Variants in USP53 observed in about 807,000 individuals in gnomAD.
The protein encoded by USP53 is ubiquitin specific peptidase 53.
A neutral mutation model predicts 94.9 loss-of-function variants in USP53; 71 were observed. That is an observed-to-expected ratio of 0.75 (90% confidence interval 0.62 to 0.91). USP53 has a LOEUF of 0.91. USP53 is among the 40% of genes least tolerant of loss of function. The probability of loss-of-function intolerance (pLI) is 0.00; values close to 1 mark genes in which losing one functional copy is unlikely to be tolerated. For synonymous variants in USP53, 375 were observed against 422.7 expected (o/e 0.89, Z 1.39); for missense variants, 1,173 against 1,281.0 (o/e 0.92, Z 1.29).
At chr4:119,228,477 C>T (rs1002129169) in intron 3 of USP53, among the ~76,000 whole-genome samples, 9 of 152,048 alleles carry the variant, frequency 5.9e-5, no homozygotes, top group African/African-American at 9.7e-5. Flanking sequence ...AGGTCAACTG[C>T]GCCATATAAC....
chr4:119,250,333 T>C (rs576268347), intron 7 of USP53, among the ~76,000 whole-genome samples: 1 of 152,320 alleles, frequency 6.6e-6, no homozygotes, highest in South Asian at 2.1e-4. Context: ...ATCCATTCTC[T>C]GTAGAATTTA....
rs1441994681 is a variant in USP53 at position 119,269,735 on chromosome 4, T to G, written c.1333T>G (p.Ser445Ala). The change falls in exon 15 of 19, where the codon TCC becomes GCC. Residue 445 changes from serine to alanine, a missense_variant. Transcript: ENST00000692078. ...IDQREKIKDISRECALKAIEQ... is the reference protein window; with the variant it reads ...IDQREKIKDIARECALKAIEQ... ...TCAAAGGGAAAAGATAAAAGACATT[T>G]CCAGAGAATGTGCTCTGAAAGCTAT... 1 of 1,502,746 alleles carries G rather than the reference T, an allele frequency of 6.7e-7. No homozygotes were observed. Among genetic ancestry groups the G allele is most frequent in the Admixed American group, 2.3e-5 (1 of 43,334 alleles). 93.1% of individuals were successfully genotyped at this position (1,502,746 alleles called of 1,614,324 possible). A position where few individuals can be genotyped will look rare whatever the true frequency, so the allele number is the denominator to read the frequency against.
At position 119,239,745 on chromosome 4, in the gene USP53, C is replaced by A; in HGVS notation, c.-15C>A. On this transcript the variant is annotated 5_prime_UTR_variant, in exon 5 of 19. Transcript: ENST00000692078. ...GTACAGTTTTTAGCCTAAATGCAAA[C>A]AAAGTTGCTTGAAAATGGCATGGGT... is the stretch of plus-strand genomic sequence containing the variant. 6.3e-7 allele frequency: 1 copy of A among 1,598,290 alleles called. No individual in the cohort carries two copies. Among genetic ancestry groups the A allele is most frequent in the South Asian group, 1.1e-5 (1 of 88,036 alleles).
chr4:119,247,781 T>G (rs1332482657), intron 6 of USP53, among the ~76,000 whole-genome samples: 1 of 152,232 alleles, frequency 6.6e-6, no homozygotes, highest in Non-Finnish European at 1.5e-5. Flanking sequence ...AAATAAGAGA[T>G]AAAATCTGAA....
intron 4 of USP53, among the ~76,000 whole-genome samples, chr4:119,237,560 A>C (rs559176882): frequency 2.6e-4 from 40 of 152,282 alleles, no homozygotes; most frequent in African/African-American, 9.6e-4. Flanking sequence ...TAATTAAAAA[A>C]AAAAAAGACA....
intron 3 of USP53, among the ~76,000 whole-genome samples, chr4:119,222,702 C>T (rs1218819680): frequency 2.6e-5 from 4 of 152,020 alleles, no homozygotes; most frequent in Non-Finnish European, 4.4e-5. Context: ...CATCCATTGG[C>T]GGACTTAAGA....
At chr4:119,225,482 C>T (rs917978086) in intron 3 of USP53, among the ~76,000 whole-genome samples, 1 of 151,970 alleles carries the variant, frequency 6.6e-6, no homozygotes, top group African/African-American at 2.4e-5. Context: ...CGTGGTGGCT[C>T]ACGCCTGTAA....
At chr4:119,260,959 T>A (rs1412587109) in intron 11 of USP53, among the ~76,000 whole-genome samples, 3 of 71,618 alleles carry the variant, frequency 4.2e-5, no homozygotes, top group Non-Finnish European at 1.0e-4. Context: ...TCTTTTTTTT[T>A]TTTTTTTTTT....
chr4:119,218,366 A>G (rs1315039753), intron 3 of USP53: 2 of 152,232 alleles, frequency 1.3e-5, no homozygotes, highest in Non-Finnish European at 1.5e-5. Flanking sequence ...TTTAATGACC[A>G]TGTCCTATAT....
chr4:119,271,943 A>G lies in USP53; in HGVS notation c.2083A>G (p.Ser695Gly), dbSNP rs769296836. 2.5e-6 allele frequency: 4 copies of G among 1,614,156 alleles called. No homozygotes were observed. Among genetic ancestry groups the G allele is most frequent in the Non-Finnish European group, 2.5e-6 (3 of 1,180,000 alleles). The change falls in exon 16 of 19, where the codon AGT becomes GGT. Residue 695 changes from serine (S) to glycine (G), a missense_variant. Physicochemically the swap from Ser to Gly is moderately conservative, Grantham distance 56. Coordinates refer to ENST00000692078, the MANE Select transcript of USP53 (RefSeq NM_001371395.1). ...TGGATATGAAAGCAGTGATCACATC[A>G]GTAATGGTTCTACTAATTTGGACTC... ...ESGYESSDHISNGSTNLDSPV... is the reference protein window; with the variant it reads ...ESGYESSDHIGNGSTNLDSPV...
rs1366641170 is a variant in USP53, at chr4:119,274,745, C to G, written c.2251+1037C>G. Among the ~76,000 whole-genome samples, 838 of 142,942 alleles carry G rather than the reference C, an allele frequency of 5.9e-3. 8 individuals are homozygous for G. The highest frequency in any genetic ancestry group is 0.02 in the African/African-American group (799 of 39,700). The allele number at this position is 142,942 out of a possible 152,430, so 93.8% of individuals were successfully genotyped here. A position where few individuals can be genotyped will look rare whatever the true frequency, so the allele number is the denominator to read the frequency against. On this transcript the variant is annotated intron_variant, in intron 17 of 18. Transcript: ENST00000692078. ...AAAAGTGTTCCTATTTCTCCACATC[C>G]TCTCCAGCACCTGTTGTTTCCTGAC... is the stretch of plus-strand genomic sequence containing the variant.
intron 9 of USP53, among the ~76,000 whole-genome samples, chr4:119,256,800 A>G (rs572176537): frequency 1.7e-3 from 263 of 152,340 alleles, no homozygotes; most frequent in Non-Finnish European, 2.7e-3. Flanking sequence ...GGGGAGCATG[A>G]AATGATAAAC....
At position 119,291,239 on chromosome 4, in the gene USP53, A is replaced by T; in HGVS notation, c.2326A>T (p.Ile776Leu). Residue 776 changes from isoleucine (I) to leucine (L), a missense_variant, in exon 18 of 19, where the codon ATA becomes TTA. Transcript: ENST00000692078. ...HEFHPESHLQ[I>L]KNHLIKRSHV... Reference sequence around the variant, plus strand: ...ATTCCACCCAGAATCACATTTACAAATAAAAAATCATTTGATAAAAAGGTA... The same window carrying T: ...ATTCCACCCAGAATCACATTTACAATTAAAAAATCATTTGATAAAAAGGTA... The T allele has an allele frequency of 6.3e-7, 1 of 1,593,734 alleles. No homozygotes were observed. Among genetic ancestry groups the T allele is most frequent in the Non-Finnish European group, 8.5e-7 (1 of 1,171,812 alleles).
At chr4:119,237,225 G>A (rs540122401) in intron 4 of USP53, among the ~76,000 whole-genome samples, 1 of 152,152 alleles carries the variant, frequency 6.6e-6, no homozygotes, top group Non-Finnish European at 1.5e-5. Flanking sequence ...CTGTCATCCA[G>A]GCTTTGTTGT....
At chr4:119,226,472 T>C (rs779474212) in intron 3 of USP53, among the ~76,000 whole-genome samples, 5 of 152,130 alleles carry the variant, frequency 3.3e-5, no homozygotes, top group Admixed American at 6.5e-5. Context: ...ATGTTAGTAA[T>C]GAAAAATTGG....
At chr4:119,279,825 C>T (rs1753259772) in intron 17 of USP53, among the ~76,000 whole-genome samples, 1 of 152,208 alleles carries the variant, frequency 6.6e-6, no homozygotes, top group South Asian at 2.1e-4. Context: ...TTAAGCCGGT[C>T]CGAAAAGCGC....
At chr4:119,274,667 G>A (rs1204159824) in intron 17 of USP53, among the ~76,000 whole-genome samples, 9 of 144,768 alleles carry the variant, frequency 6.2e-5, no homozygotes, top group Admixed American at 4.2e-4. Flanking sequence ...CTGAGGAATC[G>A]CCACACTGAC....
At chr4:119,251,034 T>G (rs942810267) in intron 7 of USP53, among the ~76,000 whole-genome samples, 1 of 152,070 alleles carries the variant, frequency 6.6e-6, no homozygotes, top group African/African-American at 2.4e-5. Context: ...TAGGTATTTC[T>G]CCTAATGTTA....
chr4:119,242,167 G>A (rs1033632671), intron 5 of USP53, among the ~76,000 whole-genome samples: 4 of 152,080 alleles, frequency 2.6e-5, no homozygotes, highest in Non-Finnish European at 4.4e-5. Flanking sequence ...TGCTAATTCT[G>A]TTATTTGTAT....
Sources: gnomAD v4.1 joint callset for allele counts (sites outside exome capture counted in the v4.1 genomes callset) on GRCh38, gnomAD v4.1.1 for gene constraint, MANE v1.5 for transcripts, NCBI Gene and HGNC (gene_info 2026-07-23, HGNC 2026-07-21) for gene names.